The following RAPGEF6 variants were observed in gnomAD, a reference collection of about 807,000 sequenced individuals.
RAPGEF6 encodes the protein PDZ domain containing guanine nucleotide exchange factor (GEF) 2.
A neutral mutation model predicts 171.4 loss-of-function variants in RAPGEF6; 56 were observed. That is an observed-to-expected ratio of 0.33 (90% CI 0.26 to 0.41). The LOEUF (loss-of-function observed/expected upper bound fraction) is 0.41. RAPGEF6 is among the 10% of genes least tolerant of loss of function. The pLI is 1.00. For missense variants in RAPGEF6, 1,674 were observed against 1,921.4 expected (o/e 0.87, Z 2.41); for synonymous variants, 692 against 650.1 (o/e 1.06, Z -0.98).
At chr5:131,463,851 G>C (rs1754126412) in intron 18 of RAPGEF6, 190 bp downstream of exon 18, 1 of 1,265,440 alleles carries the variant, frequency 7.9e-7, no homozygotes, top group Non-Finnish European at 1.0e-6. Context: ...AAAAAAACAG[G>C]AACTAGATTA....
intron 6 of RAPGEF6, chr5:131,532,824 A>G (rs1759485545): frequency 6.6e-6 from 1 of 152,610 alleles, no homozygotes; most frequent in Admixed American, 6.5e-5. Context: ...TCCTTATTCT[A>G]ATGTATCAGT....
At chr5:131,473,327 ATTTC>A (rs907533801) in intron 16 of RAPGEF6, among the ~76,000 whole-genome samples, 20 of 152,364 alleles carry the variant, frequency 1.3e-4, no homozygotes, top group Admixed American at 7.2e-4. Flanking sequence ...AGGGTACATT[ATTTC>A]TTATTTAATC....
At chr5:131,446,298 A>G (rs968749216) in intron 22 of RAPGEF6, among the ~76,000 whole-genome samples, 185 bp downstream of exon 22, 2 of 152,226 alleles carry the variant, frequency 1.3e-5, no homozygotes, top group Non-Finnish European at 2.9e-5. Flanking sequence ...TTTTTTGGAT[A>G]GTGTAGCCAT....
At chr5:131,604,837 A>G (rs770994615) in intron 1 of RAPGEF6, 144 bp from the exon 2 acceptor site, 1 of 1,056,788 alleles carries the variant, frequency 9.5e-7, no homozygotes, top group Non-Finnish European at 1.3e-6. Context: ...CTGAATCATA[A>G]AAGATTTGAA....
At position 131,464,087 on chromosome 5, in the gene RAPGEF6, G is replaced by T. The variant is rs1439779821; in HGVS notation, c.2434C>A (p.Pro812Thr). 6.2e-7 allele frequency: 1 copy of T among 1,612,564 alleles called. No individual in the cohort carries two copies. The highest frequency in any genetic ancestry group is 1.1e-5 in the South Asian group (1 of 90,954). Residue 812 changes from proline (P) to threonine (T), a missense_variant, in exon 18 of 28, where the codon CCA (proline) becomes ACA (threonine). Transcript: ENST00000509018. ...TCAGCTAATTTGGAGAACTGATCTG[G>T]AAGTCTTCTCTGTTTTATGACACCC... ...PEGVIKQRRL[P>T]DQFSKLADRI...
chr5:131,513,430 C>A (rs756195070), intron 7 of RAPGEF6, among the ~76,000 whole-genome samples: 2 of 152,100 alleles, frequency 1.3e-5, no homozygotes, highest in African/African-American at 2.4e-5. Context: ...AGGTTTTCAT[C>A]CCCTGACCCA....
At chr5:131,592,345 C>G in intron 4 of RAPGEF6, 38 bp downstream of exon 4, 1 of 1,603,526 alleles carries the variant, frequency 6.2e-7, no homozygotes, top group Non-Finnish European at 8.5e-7. Context: ...AATAGTTTAA[C>G]ATTAACTTTG....
intron 13 of RAPGEF6, among the ~76,000 whole-genome samples, chr5:131,493,601 G>C: frequency 6.6e-6 from 1 of 151,658 alleles, no homozygotes; most frequent in East Asian, 1.9e-4. Flanking sequence ...TAGTCTACCA[G>C]TTCTAATTCC....
intron 6 of RAPGEF6, among the ~76,000 whole-genome samples, chr5:131,546,529 A>G (rs1226456367): frequency 1.3e-5 from 2 of 151,994 alleles, no homozygotes; most frequent in Non-Finnish European, 2.9e-5. Context: ...GCGTGAACCC[A>G]GGAGGCAGAG....
chr5:131,618,005 C>T (rs898101525), intron 1 of RAPGEF6, among the ~76,000 whole-genome samples: 3 of 152,160 alleles, frequency 2.0e-5, no homozygotes, highest in African/African-American at 7.2e-5. Flanking sequence ...TTTCTAAATT[C>T]ATTTCTCACT....
intron 18 of RAPGEF6, among the ~76,000 whole-genome samples, chr5:131,462,698 A>G (rs549391442): frequency 6.6e-6 from 1 of 152,316 alleles, no homozygotes; most frequent in South Asian, 2.1e-4. Context: ...TCTTCTCTTA[A>G]ATCAACAATT....
rs1392433203 is a variant in RAPGEF6, at chr5:131,526,877, T to C, written c.496-5356A>G. Among the ~76,000 whole-genome samples, 4 of 152,190 alleles carry C rather than the reference T, an allele frequency of 2.6e-5. No homozygotes were observed. The East Asian group carries it at 5.8e-4, about 22-fold the overall frequency. ...TATTTGAAGCAGCAAGAAAGTTTTT[T>C]AGCTAACAACTTGAATACAGACATT... On this transcript the variant is annotated intron_variant, in intron 6 of 27. Coordinates refer to ENST00000509018, the MANE Select transcript of RAPGEF6 (RefSeq NM_016340.6).
chr5:131,487,590 A>ATTT (rs1756004398), intron 15 of RAPGEF6, among the ~76,000 whole-genome samples: 1 of 152,080 alleles, frequency 6.6e-6, no homozygotes, highest in Non-Finnish European at 1.5e-5. Context: ...TGATTGGTGC[A>ATTT]TTTACAATCC....
chr5:131,603,985 G>A (rs528424269), intron 2 of RAPGEF6, among the ~76,000 whole-genome samples: 3 of 152,002 alleles, frequency 2.0e-5, no homozygotes, highest in African/African-American at 7.2e-5. Flanking sequence ...TATAGCACTC[G>A]AAAGTGTTTT....
At chr5:131,531,506 T>C (rs928777921) in intron 6 of RAPGEF6, among the ~76,000 whole-genome samples, 1 of 152,210 alleles carries the variant, frequency 6.6e-6, no homozygotes, top group Non-Finnish European at 1.5e-5. Flanking sequence ...ATGACAAGTA[T>C]GATAGATGAC....
intron 6 of RAPGEF6, among the ~76,000 whole-genome samples, chr5:131,547,061 T>A (rs1424747035): frequency 6.6e-6 from 1 of 152,248 alleles, no homozygotes; most frequent in Non-Finnish European, 1.5e-5. Flanking sequence ...TGGCTCTGGA[T>A]ATGATAAATT....
rs1297643986 is a variant in RAPGEF6 at position 131,429,168 on chromosome 5, G to A, written c.4514C>T (p.Pro1505Leu). Residue 1505 changes from proline (P) to leucine (L), a missense_variant, in exon 27 of 28, where the codon CCT becomes CTT. By Grantham distance (98) the Pro-to-Leu change is moderately conservative (BLOSUM62 -3). Around this residue, in one of 3 missense-constraint regions of RAPGEF6, gnomAD observed 552 missense variants for 574.2 expected, o/e 0.96. Coordinates refer to ENST00000509018, the MANE Select transcript of RAPGEF6 (RefSeq NM_016340.6). ...CCCCAAATATCCTGGAGGAGTGGGA[G>A]GTGGCTCCCTATACCTATCGTCCTT... Reference protein sequence around the residue: ...PKKDDRYREPPPTPPGYLGIS... With the variant: ...PKKDDRYREPLPTPPGYLGIS... The A allele has an allele frequency of 6.2e-7, 1 of 1,613,646 alleles. No individual in the cohort carries two copies. The highest frequency in any genetic ancestry group is 8.5e-7 in the Non-Finnish European group (1 of 1,179,652).
intron 20 of RAPGEF6, among the ~76,000 whole-genome samples, chr5:131,455,260 A>C (rs891157058): frequency 6.6e-6 from 1 of 152,078 alleles, no homozygotes; most frequent in Admixed American, 6.5e-5. Context: ...GAGCAAATGG[A>C]ATTGTTTTTT....
At chr5:131,556,063 C>G (rs1761216612) in intron 5 of RAPGEF6, among the ~76,000 whole-genome samples, 1 of 152,022 alleles carries the variant, frequency 6.6e-6, no homozygotes. Context: ...AGTAAAAATA[C>G]AGTATTATAA....
Sources: gnomAD v4.1 joint callset for allele counts (sites outside exome capture counted in the v4.1 genomes callset) on GRCh38, gnomAD v4.1.1 for gene constraint, gnomAD v4.1.1 regional missense constraint, MANE v1.5 for transcripts, NCBI Gene and HGNC (gene_info 2026-07-23, HGNC 2026-07-21) for gene names.